Variants in PRKN observed in about 807,000 individuals in gnomAD.
PRKN encodes the protein parkin RBR E3 ubiquitin protein ligase.
Under a neutral mutation model 59.5 loss-of-function variants are expected in PRKN, and 56 were observed. The observed-to-expected ratio is 0.94, with a 90% CI of 0.76 to 1.18. PRKN has a LOEUF of 1.18. PRKN is among the 50% of genes most tolerant of loss of function. The pLI is 0.00. For synonymous variants in PRKN, 250 were observed against 222.1 expected, an observed-to-expected ratio of 1.13 and a Z score of -1.12; for missense variants, 657 against 596.4, an observed-to-expected ratio of 1.10 and a Z score of -1.06.
chr6:161,612,169 A>G (rs552775147), intron 7 of PRKN, among the ~76,000 whole-genome samples: 22 of 152,360 alleles, frequency 1.4e-4, no homozygotes, highest in African/African-American at 5.3e-4. Context: ...GTGAAGCAGC[A>G]AGTGCTGATA....
At chr6:161,469,198 G>A (rs920794702) in intron 9 of PRKN, among the ~76,000 whole-genome samples, 2 of 152,094 alleles carry the variant, frequency 1.3e-5, no homozygotes, top group East Asian at 3.9e-4. Context: ...TGAATCATGG[G>A]GGTGGTATCC....
intron 3 of PRKN, among the ~76,000 whole-genome samples, chr6:162,217,220 T>C (rs557351921): frequency 1.6e-4 from 25 of 152,148 alleles, no homozygotes; most frequent in Non-Finnish European, 2.2e-4. Flanking sequence ...TTCCCCTCAG[T>C]CTCTCTCCTG....
At chr6:161,733,782 AAATATATATATATATGTATATATAT>A (rs1285764949) in intron 7 of PRKN, among the ~76,000 whole-genome samples, 5 of 79,922 alleles carry the variant, frequency 6.3e-5, no homozygotes, top group South Asian at 4.0e-4. Flanking sequence ...AAAAAAAAAA[AAATATATATATATATGTATATATAT>A]ATATATATAT....
At chr6:162,425,450 A>G (rs1789189397) in intron 2 of PRKN, among the ~76,000 whole-genome samples, 1 of 152,198 alleles carries the variant, frequency 6.6e-6, no homozygotes, top group African/African-American at 2.4e-5. Flanking sequence ...TTGTACAGAT[A>G]TCATTAAATT....
At chr6:161,701,635 T>G (rs1786254616) in intron 7 of PRKN, among the ~76,000 whole-genome samples, 1 of 152,220 alleles carries the variant, frequency 6.6e-6, no homozygotes, top group Admixed American at 6.5e-5. Flanking sequence ...AATTAAAAAT[T>G]TAGGCATATG....
chr6:161,606,014 C>T (rs1171405701), intron 7 of PRKN, among the ~76,000 whole-genome samples: 1 of 151,934 alleles, frequency 6.6e-6, no homozygotes, highest in African/African-American at 2.4e-5. Flanking sequence ...TGGTGGTAGT[C>T]CTAGGAGGTG....
chr6:162,156,806 C>A (rs1488795641), intron 4 of PRKN, among the ~76,000 whole-genome samples: 1 of 152,086 alleles, frequency 6.6e-6, no homozygotes, highest in Non-Finnish European at 1.5e-5. Flanking sequence ...GATTAGCAGA[C>A]AATGTTCTCC....
intron 2 of PRKN, among the ~76,000 whole-genome samples, chr6:162,344,497 G>A (rs1583415437): frequency 6.6e-6 from 1 of 151,956 alleles, no homozygotes; most frequent in African/African-American, 2.4e-5. Context: ...GGTGTTACGT[G>A]CTGGAAACTA....
At chr6:162,364,493 A>G (rs1008810749) in intron 2 of PRKN, among the ~76,000 whole-genome samples, 2 of 152,184 alleles carry the variant, frequency 1.3e-5, no homozygotes, top group African/African-American at 4.8e-5. Context: ...TAAATAAAAT[A>G]AAAGAAAGAA....
chr6:161,874,702 A>AAAATG (rs1794604382), intron 6 of PRKN, among the ~76,000 whole-genome samples: 1 of 124,052 alleles, frequency 8.1e-6, no homozygotes, highest in African/African-American at 3.2e-5. Flanking sequence ...TATAAAATAT[A>AAAATG]TAATATATAA....
chr6:162,124,369 C>A (rs564373760), intron 4 of PRKN, among the ~76,000 whole-genome samples: 1 of 152,254 alleles, frequency 6.6e-6, no homozygotes, highest in Admixed American at 6.5e-5. Flanking sequence ...CTGTCTTTCC[C>A]TCGCTGGGAA....
chr6:162,619,984 T>C (rs917468446), intron 1 of PRKN, among the ~76,000 whole-genome samples: 1 of 152,182 alleles, frequency 6.6e-6, no homozygotes, highest in African/African-American at 2.4e-5. Flanking sequence ...TGCATTAACA[T>C]ACATGACATT....
At position 161,356,650 on chromosome 6, in the gene PRKN, A is replaced by T. The variant is rs1187893122; in HGVS notation, c.1285+3438T>A. Among the ~76,000 whole-genome samples, 1 of 152,124 alleles carries T rather than the reference A, an allele frequency of 6.6e-6. No individual in the cohort carries two copies. Among genetic ancestry groups the T allele is most frequent in the Admixed American group, 6.5e-5 (1 of 15,278 alleles). ...GTGACCGGGGATTGAATGCAGGGTG[A>T]GGAAGAGCATGGAATGAAGGATGAG... On this transcript the variant is annotated intron_variant, in intron 11 of 11. Coordinates refer to ENST00000366898, the MANE Select transcript of PRKN (RefSeq NM_004562.3). This position sits in a 1 kb window ranked among gnomAD's most constrained non-coding sequence, Gnocchi z 7.8.
intron 1 of PRKN, among the ~76,000 whole-genome samples, chr6:162,537,048 T>G (rs1441656342): frequency 1.3e-5 from 2 of 152,138 alleles, no homozygotes; most frequent in South Asian, 2.1e-4. Context: ...TCGAAAAGAT[T>G]CTCATAAATC....
intron 2 of PRKN, among the ~76,000 whole-genome samples, chr6:162,349,762 G>T (rs1042134145): frequency 6.6e-6 from 1 of 152,156 alleles, no homozygotes; most frequent in African/African-American, 2.4e-5. Context: ...GTAAAAGACT[G>T]AAGGCTTTCC....
chr6:161,436,260 C>T (rs1788895661), intron 9 of PRKN, among the ~76,000 whole-genome samples: 1 of 67,126 alleles, frequency 1.5e-5, no homozygotes, highest in Non-Finnish European at 2.7e-5. Flanking sequence ...GATGTGAGGG[C>T]AGAGAGCAGG....
chr6:162,713,367 G>T lies in PRKN; in HGVS notation c.7+14295C>A, dbSNP rs537523191. Reference sequence around the variant, plus strand: ...AAATTAGCCACGCGTGCTGGCGGGCGCCTGTAGTCCCAGCTACTCGGGAGG... The same window carrying T: ...AAATTAGCCACGCGTGCTGGCGGGCTCCTGTAGTCCCAGCTACTCGGGAGG... On this transcript the variant is annotated intron_variant, in intron 1 of 11. Coordinates refer to ENST00000366898, the MANE Select transcript of PRKN (RefSeq NM_004562.3). Among the ~76,000 whole-genome samples, 52 of 152,010 alleles carry T rather than the reference G, an allele frequency of 3.4e-4. No homozygotes were observed. The East Asian group carries it at 9.3e-3, about 27-fold the overall frequency.
chr6:161,493,363 T>A (rs1455882207), intron 9 of PRKN, among the ~76,000 whole-genome samples: 2 of 152,240 alleles, frequency 1.3e-5, no homozygotes, highest in African/African-American at 2.4e-5. Context: ...ATGAGGACAC[T>A]GGCACTCACT....
At chr6:161,841,406 C>G (rs559729888) in intron 6 of PRKN, among the ~76,000 whole-genome samples, 31 of 151,356 alleles carry the variant, frequency 2.0e-4, no homozygotes, top group African/African-American at 7.5e-4. Flanking sequence ...CTGGAGTGCA[C>G]TGGCGTAATC....
Sources: allele counts gnomAD v4.1 joint callset (sites outside exome capture counted in the v4.1 genomes callset), GRCh38; gene constraint gnomAD v4.1.1; non-coding constraint Gnocchi (gnomAD v3.1); transcripts MANE v1.5; gene names NCBI Gene and HGNC (gene_info 2026-07-23, HGNC 2026-07-21).